Variants in ACACA observed in about 807,000 individuals in gnomAD.
ACACA encodes the protein acetyl-CoA carboxylase 1.
ACACA carries 103 observed loss-of-function variants against 296.1 expected under a neutral mutation model. The ratio of observed to expected loss-of-function variants is 0.35; its 90% CI spans 0.30 to 0.41. The LOEUF is 0.41. Ranked by LOEUF, ACACA falls within the 10% of genes least tolerant of loss-of-function variation. The probability of loss-of-function intolerance (pLI) is 1.00; values close to 1 mark genes in which losing one functional copy is unlikely to be tolerated. For missense variants in ACACA, 1,554 were observed against 2,989.7 expected (o/e 0.52, Z 11.20); for synonymous variants, 953 against 1,038.6 (o/e 0.92, Z 1.58).
At chr17:37,210,274 A>G (rs1324310757) in intron 30 of ACACA, among the ~76,000 whole-genome samples, 193 bp downstream of exon 30, 2 of 152,172 alleles carry the variant, frequency 1.3e-5, no homozygotes, top group African/African-American at 4.8e-5. Flanking sequence ...GTGCTTTTTG[A>G]ACAGCTGAAG....
intron 1 of ACACA, among the ~76,000 whole-genome samples, chr17:37,393,310 G>T (rs1484536912): frequency 6.6e-6 from 1 of 151,984 alleles, no homozygotes; most frequent in Non-Finnish European, 1.5e-5. Flanking sequence ...TTTGCCATCT[G>T]TGACTTAGTT....
chr17:37,193,737 C>A (rs565494848), intron 35 of ACACA, among the ~76,000 whole-genome samples: 2 of 152,148 alleles, frequency 1.3e-5, no homozygotes, highest in African/African-American at 4.8e-5. Flanking sequence ...CACAACCCAG[C>A]AAATAAAACC....
intron 10 of ACACA, among the ~76,000 whole-genome samples, chr17:37,270,131 G>A (rs561641668): frequency 6.6e-6 from 1 of 152,310 alleles, no homozygotes; most frequent in South Asian, 2.1e-4. Context: ...CCTACATCGA[G>A]CTTTCCTGAG....
chr17:37,273,688 GC>G (rs1317219730), intron 9 of ACACA, among the ~76,000 whole-genome samples: 1 of 152,212 alleles, frequency 6.6e-6, no homozygotes, highest in Non-Finnish European at 1.5e-5. Context: ...GAGTGAGCCT[GC>G]TTAACTCTGG....
At chr17:37,204,503 G>T (rs2078411014) in intron 33 of ACACA, among the ~76,000 whole-genome samples, 1 of 152,114 alleles carries the variant, frequency 6.6e-6, no homozygotes, top group East Asian at 1.9e-4. Flanking sequence ...ATCGTGGTAA[G>T]ATGCAAATAA....
intron 41 of ACACA, among the ~76,000 whole-genome samples, chr17:37,173,051 T>C (rs1300911965): frequency 1.3e-5 from 2 of 152,108 alleles, no homozygotes; most frequent in African/African-American, 4.8e-5. Flanking sequence ...AAAAGCAAGG[T>C]AAAGTACATC....
chr17:37,121,622 A>G, intron 49 of ACACA, 132 bp from the exon 50 acceptor site: 4 of 1,154,256 alleles, frequency 3.5e-6, no homozygotes, highest in Non-Finnish European at 5.1e-6. Context: ...TTGTTCATCA[A>G]GATCATCATG....
At position 37,113,499 on chromosome 17, in the gene ACACA, G is replaced by A. The variant is rs981718955; in HGVS notation, c.6275-234C>T. Among the ~76,000 whole-genome samples, 2 of 152,198 alleles carry A rather than the reference G, an allele frequency of 1.3e-5. No individual in the cohort carries two copies. The highest frequency in any genetic ancestry group is 4.8e-5 in the African/African-American group (2 of 41,444). On this transcript the variant is annotated intron_variant, in intron 50 of 55. Coordinates refer to ENST00000616317, the MANE Select transcript of ACACA (RefSeq NM_198834.3). This position sits in a 1 kb window ranked among gnomAD's most constrained non-coding sequence, Gnocchi z 4.0. ...CACTGTCTTTCACAAGATACAGTGT[G>A]TAAGTCTTCCAGATTGCCTTTCCAT...
chr17:37,108,067 G>A (rs940832622), intron 52 of ACACA, among the ~76,000 whole-genome samples: 4 of 152,158 alleles, frequency 2.6e-5, no homozygotes, highest in Non-Finnish European at 5.9e-5. Flanking sequence ...TCTCCTCCTT[G>A]CAATGACTCT....
At chr17:37,102,396 G>T (rs1234004460) in intron 52 of ACACA, among the ~76,000 whole-genome samples, 1 of 151,932 alleles carries the variant, frequency 6.6e-6, no homozygotes, top group East Asian at 1.9e-4. Context: ...ATAGAGATTT[G>T]GTTTTACCAT....
Position 37,098,709 on chromosome 17 carries a change from G to A in ACACA, c.6566-725C>T, listed in dbSNP as rs151093426. 3.3e-4 allele frequency among the ~76,000 whole-genome samples: 50 copies of A among 152,314 alleles called. 1 individual carries two copies. In the East Asian group the frequency reaches 7.3e-3, roughly 22 times the overall value. On this transcript the variant is annotated intron_variant, in intron 52 of 55. Coordinates refer to ENST00000616317, the MANE Select transcript of ACACA (RefSeq NM_198834.3). Reference sequence around the variant, plus strand: ...CCAGACAAAGACATTCTACTTCTTAGGCTAAAGGAGAAGGAGGATGTAAAA... The same window carrying A: ...CCAGACAAAGACATTCTACTTCTTAAGCTAAAGGAGAAGGAGGATGTAAAA...
At position 37,097,011 on chromosome 17, in the gene ACACA, C is replaced by T. The variant is rs1328657455; in HGVS notation, c.6876G>A (p.Val2292=). ...QAMLRRWFVE[V]EGTVKAYVWD... is the part of the protein sequence containing the mutation. The stretch of plus-strand genomic sequence containing the variant: ...TCCCACCTACCTTCACTGTTCCTTC[C>T]ACTTCCACAAACCAGCGCCTTAACA... The change falls in exon 54 of 56, where the codon GTG becomes GTA. Residue 2292 remains valine, a synonymous_variant. Coordinates refer to ENST00000616317, the MANE Select transcript of ACACA (RefSeq NM_198834.3). The surrounding 1 kb of genome is among the most constrained non-coding windows in gnomAD (Gnocchi z 4.8). 14 of 1,614,052 alleles carry T rather than the reference C, an allele frequency of 8.7e-6. No homozygotes were observed. Among genetic ancestry groups the T allele is most frequent in the Non-Finnish European group, 1.2e-5 (14 of 1,180,054 alleles).
chr17:37,314,788 A>G (rs2047008445), intron 3 of ACACA, among the ~76,000 whole-genome samples: 2 of 149,212 alleles, frequency 1.3e-5, no homozygotes, highest in Admixed American at 6.7e-5. Flanking sequence ...CTACAGGTAC[A>G]TGTCCCCATG....
intron 5 of ACACA, among the ~76,000 whole-genome samples, chr17:37,281,142 C>T (rs538882037): frequency 9.3e-5 from 14 of 151,032 alleles, no homozygotes; most frequent in African/African-American, 2.4e-4. Context: ...CTCACCACAA[C>T]CTCCTCCTCC....
intron 1 of ACACA, among the ~76,000 whole-genome samples, chr17:37,393,570 C>G (rs2050969575): frequency 6.6e-6 from 1 of 152,076 alleles, no homozygotes; most frequent in South Asian, 2.1e-4. Context: ...AGGCCGGGCA[C>G]GGTGGCTCAA....
rs775157711 is a variant in ACACA at position 37,267,761 on chromosome 17, CTTCTT to C, written c.1119+2985_1119+2989del. Among the ~76,000 whole-genome samples, 615 of 129,534 alleles carry C rather than the reference CTTCTT, an allele frequency of 4.7e-3. 5 individuals carry two copies. Among genetic ancestry groups the C allele is most frequent in the Non-Finnish European group, 7.3e-3 (477 of 65,188 alleles). 85.0% of individuals were successfully genotyped at this position (129,534 alleles called of 152,430 possible). On this transcript the variant is annotated intron_variant, in intron 10 of 55. Transcript: ENST00000616317. ...ACTCCTATATTGACTTCTTCTTCTT[CTTCTT>C]TTTTTTTTTTTTAAGACAATGTCTT... is the stretch of plus-strand genomic sequence containing the variant.
intron 30 of ACACA, 121 bp downstream of exon 30, chr17:37,210,346 A>G: frequency 1.1e-6 from 1 of 879,464 alleles, no homozygotes; most frequent in South Asian, 1.4e-5. Context: ...AGGGGAGCTC[A>G]GGACTCCCTA....
Position 37,277,762 on chromosome 17 carries a change from A to G in ACACA, c.720+134T>C, listed in dbSNP as rs1280911460. ...CATCTTTCTTTTCCTTATTTGGTTT[A>G]GTTATCCCATACACAGGCATTTAAT... On this transcript the variant is annotated intron_variant, in intron 6 of 55. Coordinates refer to ENST00000616317, the MANE Select transcript of ACACA (RefSeq NM_198834.3). 3 of 698,254 alleles carry G rather than the reference A, an allele frequency of 4.3e-6. No individual in the cohort carries two copies. The African/African-American group carries it at 5.3e-5, about 12-fold the overall frequency. The allele number at this position is 698,254 out of a possible 1,614,324, so 43.3% of individuals were successfully genotyped here. A position where few individuals can be genotyped will look rare whatever the true frequency, so the allele number is the denominator to read the frequency against.
intron 24 of ACACA, 110 bp from the exon 25 acceptor site, chr17:37,235,209 T>C (rs1028984742): frequency 7.3e-7 from 1 of 1,362,876 alleles, no homozygotes; most frequent in African/African-American, 1.4e-5. Flanking sequence ...AGAAGAAACA[T>C]CATAAGGATT....
Sources: allele counts gnomAD v4.1 joint callset (sites outside exome capture counted in the v4.1 genomes callset), GRCh38; gene constraint gnomAD v4.1.1; non-coding constraint Gnocchi (gnomAD v3.1); transcripts MANE v1.5; gene names NCBI Gene and HGNC (gene_info 2026-07-23, HGNC 2026-07-21).